The following MAPK6 variants were observed in gnomAD, a reference collection of about 807,000 sequenced individuals.
MAPK6 encodes the protein mitogen-activated protein kinase 6, also known as ERK-3.
In MAPK6, 19 loss-of-function variants were observed where a neutral mutation model predicts 59.3. The ratio of observed to expected loss-of-function variants is 0.32; its 90% CI spans 0.22 to 0.47. The LOEUF (loss-of-function observed/expected upper bound fraction) is 0.47, where lower values mean the gene tolerates loss of function less well. Ranked by LOEUF, MAPK6 falls within the 20% of genes least tolerant of loss-of-function variation. The pLI is 1.00. For missense variants in MAPK6, 724 were observed against 847.9 expected (o/e 0.85, Z 1.81); for synonymous variants, 316 against 290.3 (o/e 1.09, Z -0.90).
chr15:52,027,167 C>T (rs955393456), intron 1 of MAPK6, among the ~76,000 whole-genome samples: 14 of 151,822 alleles, frequency 9.2e-5, no homozygotes, highest in South Asian at 8.3e-4. Context: ...GCCTGGCCAG[C>T]GTGGTGAAAC....
rs138265430 is a variant in MAPK6, at chr15:52,034,834, A to C, written c.-631-10996A>C. ...TGCTTCAGCCTCCCAAGTACCTGGG[A>C]GTACAGGTGTGCACCACCACGCCCG... On this transcript the variant is annotated intron_variant, in intron 1 of 5. Coordinates refer to ENST00000261845, the MANE Select transcript of MAPK6 (RefSeq NM_002748.4). Among the ~76,000 whole-genome samples the C allele has an allele frequency of 2.8e-3, 425 of 152,134 alleles. 10 individuals carry two copies. The East Asian group carries it at 0.057, about 20-fold the overall frequency.
intron 3 of MAPK6, among the ~76,000 whole-genome samples, chr15:52,057,533 T>G (rs908287345): frequency 2.7e-5 from 4 of 146,018 alleles, no homozygotes; most frequent in African/African-American, 1.0e-4. Context: ...AATTTTCCAC[T>G]TCTTAGTGAG....
chr15:52,058,389 A>G (rs1213897156), intron 3 of MAPK6, among the ~76,000 whole-genome samples: 6 of 152,162 alleles, frequency 3.9e-5, no homozygotes, highest in Admixed American at 3.9e-4. Context: ...TAACCTTAAT[A>G]TGAGACCAAA....
At chr15:52,052,543 A>G (rs1417866012) in intron 3 of MAPK6, among the ~76,000 whole-genome samples, 3 of 151,526 alleles carry the variant, frequency 2.0e-5, no homozygotes, top group Admixed American at 6.6e-5. Flanking sequence ...AGATCCTGCA[A>G]ACCATTAGCA....
At chr15:52,006,746 CAT>C (rs886498466) in intron 3 of MAPK6, among the ~76,000 whole-genome samples, 107 of 152,238 alleles carry the variant, frequency 7.0e-4, no homozygotes, top group Middle Eastern at 3.4e-3. Context: ...CTGGACCCTT[CAT>C]ATCTACCAGA....
At chr15:51,999,041 T>C (rs2057234807) in intron 2 of MAPK6, among the ~76,000 whole-genome samples, 1 of 143,864 alleles carries the variant, frequency 7.0e-6, no homozygotes, top group South Asian at 2.2e-4. Flanking sequence ...CAGGCTGGAG[T>C]GCAGTGGCAC....
chr15:51,978,687 A>C lies in MAPK6; in HGVS notation c.-879-4519A>C, dbSNP rs541203423. ...ATTAAAAAAACAAAACAAGAAAAAA[A>C]CTTTTAAAAGAAAACAATTTCAGAG... is the stretch of plus-strand genomic sequence containing the variant. On this transcript the variant is annotated intron_variant, in intron 1 of 7. Transcript: ENST00000691380. Among the ~76,000 whole-genome samples, 12 of 151,932 alleles carry C rather than the reference A, an allele frequency of 7.9e-5. No individual in the cohort carries two copies. In the South Asian group the frequency reaches 2.5e-3, roughly 32 times the overall value.
upstream of MAPK6, among the ~76,000 whole-genome samples, chr15:52,018,320 C>A (rs763002642): frequency 8.5e-5 from 13 of 152,292 alleles, no homozygotes; most frequent in Non-Finnish European, 1.5e-4. Context: ...TGAACCACCA[C>A]GCCTGGCCCT....
At chr15:52,053,409 C>G (rs2031849323) in intron 3 of MAPK6, among the ~76,000 whole-genome samples, 1 of 152,076 alleles carries the variant, frequency 6.6e-6, no homozygotes, top group South Asian at 2.1e-4. Flanking sequence ...TCCCTAATAA[C>G]TAATGGATGA....
chr15:52,013,020 AATATATATATATAT>A (rs71130116), intron 3 of MAPK6, among the ~76,000 whole-genome samples: 234 of 19,108 alleles, frequency 0.012, 3 homozygotes, highest in African/African-American at 0.04. Flanking sequence ...AAAAAAAAAA[AATATATATATATAT>A]ATATATATAT....
chr15:51,985,798 A>G (rs1442481281), intron 2 of MAPK6, among the ~76,000 whole-genome samples: 2 of 151,948 alleles, frequency 1.3e-5, no homozygotes, highest in Non-Finnish European at 2.9e-5. Flanking sequence ...CTTTACTAAA[A>G]ATACAAAAAA....
At chr15:52,062,018 G>C (rs1300716246) in intron 5 of MAPK6, among the ~76,000 whole-genome samples, 1 of 151,070 alleles carries the variant, frequency 6.6e-6, no homozygotes, top group Non-Finnish European at 1.5e-5. Context: ...GTGTCTCAGT[G>C]GTAGTTATAT....
intron 2 of MAPK6, among the ~76,000 whole-genome samples, chr15:51,999,945 ATATT>A (rs1433852017): frequency 6.7e-6 from 1 of 149,372 alleles, no homozygotes; most frequent in Non-Finnish European, 1.5e-5. Context: ...TGCCTGACCT[ATATT>A]TATTTATTGA....
rs1345760825 is a variant in MAPK6, at chr15:52,066,734, A to T, written c.*1734A>T. On this transcript the variant is annotated 3_prime_UTR_variant, in exon 6 of 6. Coordinates refer to ENST00000261845, the MANE Select transcript of MAPK6 (RefSeq NM_002748.4). ...ACCTACCTTCTCAACAACTGACTTC[A>T]TCTGGATTCACAAAGCCATATATAT... is the stretch of plus-strand genomic sequence containing the variant. The T allele has an allele frequency of 6.6e-6, 1 of 151,488 alleles. No homozygotes were observed. The highest frequency in any genetic ancestry group is 1.5e-5 in the Non-Finnish European group (1 of 67,968). The allele number at this position is 151,488 out of a possible 1,614,324, so 9.4% of individuals were successfully genotyped here. A position where few individuals can be genotyped will look rare whatever the true frequency, so the allele number is the denominator to read the frequency against.
At chr15:51,981,471 CAAAAAAAAAAAAGAA>C (rs916240071) in intron 1 of MAPK6, among the ~76,000 whole-genome samples, 6 of 118,054 alleles carry the variant, frequency 5.1e-5, no homozygotes, top group African/African-American at 2.0e-4. Flanking sequence ...GACTCCGTCT[CAAAAAAAAAAAAGAA>C]AAAGAAAAAA....
chr15:51,985,608 T>G (rs1193835151), intron 2 of MAPK6, among the ~76,000 whole-genome samples: 1 of 151,194 alleles, frequency 6.6e-6, no homozygotes, highest in Non-Finnish European at 1.5e-5. Context: ...TGAGCTGAGA[T>G]TGCACCATTG....
At chr15:52,057,922 C>T (rs1258920403) in intron 3 of MAPK6, among the ~76,000 whole-genome samples, 1 of 152,208 alleles carries the variant, frequency 6.6e-6, no homozygotes, top group Non-Finnish European at 1.5e-5. Context: ...TGAAGGCAGG[C>T]ACTTGGTCTG....
intron 1 of MAPK6, among the ~76,000 whole-genome samples, chr15:52,031,913 T>A (rs956531442): frequency 2.6e-5 from 4 of 152,164 alleles, no homozygotes; most frequent in African/African-American, 4.8e-5. Flanking sequence ...ATAATTTTTT[T>A]TTTTTGAGGC....
chr15:51,995,409 G>A (rs757743421), intron 2 of MAPK6, among the ~76,000 whole-genome samples: 6 of 152,184 alleles, frequency 3.9e-5, no homozygotes, highest in Non-Finnish European at 7.3e-5. Flanking sequence ...AGTACTCCAA[G>A]TAGAAGGGAC....
Sources: gnomAD v4.1 joint callset for allele counts (sites outside exome capture counted in the v4.1 genomes callset) on GRCh38, gnomAD v4.1.1 for gene constraint, MANE v1.5 for transcripts, NCBI Gene and HGNC (gene_info 2026-07-23, HGNC 2026-07-21) for gene names.